Variants in CCSER1 observed in about 807,000 individuals in gnomAD.
The protein encoded by CCSER1 is coiled-coil serine rich protein 1, also known as serine-rich coiled-coil domain-containing protein 1.
CCSER1 carries 41 observed loss-of-function variants against 82.0 expected under a neutral mutation model. The ratio of observed to expected loss-of-function variants is 0.50; its 90% confidence interval spans 0.39 to 0.65. CCSER1 has a LOEUF of 0.65. Among genes scored for constraint, CCSER1 ranks in the 30% least tolerant of loss-of-function variants. The pLI, the probability that CCSER1 is intolerant of heterozygous loss-of-function variation, is 0.00. For missense variants in CCSER1, 1,119 were observed against 1,064.2 expected, an observed-to-expected ratio of 1.05 and a Z score of -0.72; for synonymous variants, 414 against 383.9, an observed-to-expected ratio of 1.08 and a Z score of -0.92.
chr4:91,093,785 CA>C (rs1204465960), intron 10 of CCSER1, among the ~76,000 whole-genome samples: 2 of 152,192 alleles, frequency 1.3e-5, no homozygotes, highest in Non-Finnish European at 2.9e-5. Context: ...CTTTAACTTG[CA>C]AAAGTCTTGC....
chr4:90,155,987 C>T (rs1397499345), intron 1 of CCSER1, among the ~76,000 whole-genome samples: 3 of 152,182 alleles, frequency 2.0e-5, no homozygotes, highest in East Asian at 1.9e-4. Context: ...TTGGATCTTT[C>T]CTGCTTCCTC....
In CCSER1 at chr4:90,657,809, ACT is replaced by A. The variant is rs565795942; in HGVS notation, c.1932+29580_1932+29581del. On this transcript the variant is annotated intron_variant, in intron 6 of 10. Transcript: ENST00000509176. ...ACAATTATGTTAAGACTATGTTATA[ACT>A]CTATATGTGGAGCCAGTCACAGTGG... Among the ~76,000 whole-genome samples, 69 of 152,234 alleles carry A rather than the reference ACT, an allele frequency of 4.5e-4. 1 individual carries two copies. Among genetic ancestry groups the A allele is most frequent in the East Asian group, 3.5e-3 (18 of 5,180 alleles).
intron 6 of CCSER1, among the ~76,000 whole-genome samples, chr4:90,686,748 A>G (rs188629182): frequency 6.6e-6 from 1 of 152,124 alleles, no homozygotes; most frequent in Non-Finnish European, 1.5e-5. Flanking sequence ...TCAGAACCAC[A>G]CACGAAAAAG....
chr4:90,567,400 C>G (rs996483191), intron 5 of CCSER1, among the ~76,000 whole-genome samples: 1 of 151,490 alleles, frequency 6.6e-6, no homozygotes, highest in Non-Finnish European at 1.5e-5. Flanking sequence ...AAGCGATTCT[C>G]CTGCCTCAGC....
intron 10 of CCSER1, among the ~76,000 whole-genome samples, chr4:91,504,170 C>T (rs1159924495): frequency 3.9e-5 from 6 of 152,088 alleles, no homozygotes; most frequent in Non-Finnish European, 8.8e-5. Flanking sequence ...TACTGTATGG[C>T]AGATTACTAT....
chr4:90,795,286 T>TC (rs1279305101), intron 7 of CCSER1, among the ~76,000 whole-genome samples: 2 of 81,994 alleles, frequency 2.4e-5, no homozygotes, highest in Non-Finnish European at 2.6e-5. Flanking sequence ...AAACTCTGTC[T>TC]CAAAAAAAAA....
intron 10 of CCSER1, among the ~76,000 whole-genome samples, chr4:91,492,242 A>G (rs1758587848): frequency 6.6e-6 from 1 of 152,144 alleles, no homozygotes; most frequent in Admixed American, 6.6e-5. Flanking sequence ...CTGTAGGAAT[A>G]TAAATACAGT....
chr4:90,522,676 T>A (rs1308275030), intron 5 of CCSER1, among the ~76,000 whole-genome samples: 1 of 152,176 alleles, frequency 6.6e-6, no homozygotes, highest in East Asian at 1.9e-4. Context: ...TGTGACTTCA[T>A]GGTCTCAGAA....
chr4:90,473,215 A>G (rs2153591898), intron 5 of CCSER1, among the ~76,000 whole-genome samples: 1 of 152,288 alleles, frequency 6.6e-6, no homozygotes, highest in Admixed American at 6.5e-5. Flanking sequence ...TTGTATTAAT[A>G]CTTTTTTAGA....
intron 6 of CCSER1, among the ~76,000 whole-genome samples, chr4:90,704,916 G>A (rs759087253): frequency 3.3e-5 from 5 of 152,044 alleles, no homozygotes; most frequent in Non-Finnish European, 4.4e-5. Context: ...TAATGGGTTC[G>A]AACTTCCTTC....
intron 6 of CCSER1, among the ~76,000 whole-genome samples, chr4:90,684,737 G>A (rs1363325923): frequency 2.0e-5 from 3 of 152,072 alleles, no homozygotes; most frequent in East Asian, 3.9e-4. Flanking sequence ...CCTGGTGGGG[G>A]ATAATTGAAT....
At chr4:91,364,929 G>A (rs1367594879) in intron 10 of CCSER1, among the ~76,000 whole-genome samples, 1 of 152,044 alleles carries the variant, frequency 6.6e-6, no homozygotes, top group Non-Finnish European at 1.5e-5. Context: ...TAAAGAGATA[G>A]AGAAGGCCAT....
At chr4:90,154,060 T>C (rs1175993341) in intron 1 of CCSER1, among the ~76,000 whole-genome samples, 4 of 152,184 alleles carry the variant, frequency 2.6e-5, no homozygotes, top group African/African-American at 9.7e-5. Flanking sequence ...TTGTATAAGG[T>C]GTAAGGAAGG....
At chr4:91,417,226 T>C (rs539682877) in intron 10 of CCSER1, among the ~76,000 whole-genome samples, 1 of 151,868 alleles carries the variant, frequency 6.6e-6, no homozygotes, top group Admixed American at 6.6e-5. Flanking sequence ...GGCACAGCTG[T>C]GTAGGAAAAG....
intron 3 of CCSER1, among the ~76,000 whole-genome samples, chr4:90,326,320 A>G (rs925259838): frequency 6.6e-6 from 1 of 152,156 alleles, no homozygotes. Flanking sequence ...TCGGCCTCCC[A>G]GAGTGCTGGG....
intron 10 of CCSER1, among the ~76,000 whole-genome samples, chr4:91,211,972 G>T (rs1412570076): frequency 6.6e-6 from 1 of 152,060 alleles, no homozygotes; most frequent in East Asian, 1.9e-4. Flanking sequence ...TGTGGCAGTG[G>T]CTAACAGGTT....
In CCSER1 at chr4:91,496,723, AATATAT is replaced by A. The variant is rs1168441594; in HGVS notation, c.2218-101840_2218-101835del. Among the ~76,000 whole-genome samples the A allele has an allele frequency of 4.0e-3, 240 of 59,840 alleles. 69 individuals carry two copies. The highest frequency in any genetic ancestry group is 5.7e-3 in the Non-Finnish European group (171 of 29,852). The allele number at this position is 59,840 out of a possible 152,430, so 39.3% of individuals were successfully genotyped here. Reference sequence around the variant, plus strand: ...ATATATATATATATTCAATATATAGAATATATATATATATTGAATATATATTTGAAT... The same window carrying A: ...ATATATATATATATTCAATATATAGAATATATATTGAATATATATTTGAAT... On this transcript the variant is annotated intron_variant, in intron 10 of 10. Transcript: ENST00000509176.
At chr4:90,780,836 A>G (rs1411743544) in intron 7 of CCSER1, 7 of 1,018,810 alleles carry the variant, frequency 6.9e-6, no homozygotes, top group African/African-American at 1.7e-5. Flanking sequence ...CTGTCAGTGT[A>G]TTAGGCTGTT....
rs931272585 is a variant in CCSER1 at position 90,691,507 on chromosome 4, T to C, written c.1933-32407T>C. 6.6e-5 allele frequency among the ~76,000 whole-genome samples: 10 copies of C among 151,874 alleles called. No homozygotes were observed. In the East Asian group the frequency reaches 7.7e-4, roughly 12 times the overall value. ...TATCACATGTATATAAACGTGTGTA[T>C]ATATTACATGTGTACATATCACACG... is the stretch of plus-strand genomic sequence containing the variant. On this transcript the variant is annotated intron_variant, in intron 6 of 10. Coordinates refer to ENST00000509176, the MANE Select transcript of CCSER1 (RefSeq NM_001145065.2).
Sources: gnomAD v4.1 joint callset for allele counts (sites outside exome capture counted in the v4.1 genomes callset) on GRCh38, gnomAD v4.1.1 for gene constraint, MANE v1.5 for transcripts, NCBI Gene and HGNC (gene_info 2026-07-23, HGNC 2026-07-21) for gene names.